OTOG: variants seen among roughly 807,000 people sequenced by gnomAD.
The protein encoded by OTOG is otogelin.
OTOG carries 296 observed loss-of-function variants against 313.8 expected under a neutral mutation model. The ratio of observed to expected loss-of-function variants is 0.94; its 90% CI spans 0.86 to 1.04. The LOEUF is 1.04. OTOG is among the 50% of genes least tolerant of loss of function. The pLI is 0.00. For missense variants in OTOG, 3,948 were observed against 3,840.1 expected, an observed-to-expected ratio of 1.03 and a Z score of -0.74; for synonymous variants, 1,533 against 1,554.9, an observed-to-expected ratio of 0.99 and a Z score of 0.33.
chr11:17,633,936 T>A (rs1375035925), intron 43 of OTOG, 62 bp downstream of exon 43: 4 of 1,483,640 alleles, frequency 2.7e-6, no homozygotes, highest in Non-Finnish European at 3.6e-6. Context: ...CGCCTCCTGC[T>A]GTCCACAGCT....
In OTOG at chr11:17,576,878, G is replaced by T. The variant is rs962876753; in HGVS notation, c.2572G>T (p.Asp858Tyr). The T allele has an allele frequency of 1.3e-6, 2 of 1,550,526 alleles. No individual in the cohort carries two copies. Among genetic ancestry groups the T allele is most frequent in the Non-Finnish European group, 1.7e-6 (2 of 1,146,984 alleles). Residue 858 changes from aspartate (D) to tyrosine (Y), a missense_variant, in exon 22 of 56, where the codon GAT (aspartate) becomes TAT (tyrosine). By Grantham distance (160) the Asp-to-Tyr change is radical (BLOSUM62 -3). Coordinates refer to ENST00000399397, the MANE Select transcript of OTOG (RefSeq NM_001292063.2). ...CGTCTCTCTCTGCAGCCACTGCAAA[G>T]ATGGAGTCATGAGCTGTGATAGCAG... ...IPSLGHCHCK[D>Y]GVMSCDSRAP...
At chr11:17,618,865 T>A (rs765967739) in intron 39 of OTOG, among the ~76,000 whole-genome samples, 3 of 152,354 alleles carry the variant, frequency 2.0e-5, no homozygotes, top group Middle Eastern at 3.4e-3. Context: ...CTGTAATAAC[T>A]TCTCCAGCTT....
At chr11:17,561,179 G>C in intron 14 of OTOG, 42 bp downstream of exon 14, 1 of 1,549,064 alleles carries the variant, frequency 6.5e-7, no homozygotes, top group Non-Finnish European at 8.7e-7. Flanking sequence ...CCTTCTACCA[G>C]TCTGATAGGT....
At chr11:17,644,796 C>A (rs1205066963) in intron 54 of OTOG, among the ~76,000 whole-genome samples, 1 of 152,142 alleles carries the variant, frequency 6.6e-6, no homozygotes, top group Non-Finnish European at 1.5e-5. Context: ...GTGTCTCTGA[C>A]AAGACAGTGA....
intron 17 of OTOG, among the ~76,000 whole-genome samples, chr11:17,570,881 A>G (rs545354147): frequency 1.7e-3 from 264 of 152,276 alleles, no homozygotes; most frequent in African/African-American, 5.8e-3. Context: ...CCACCAGGCC[A>G]GTCTAACCCT....
Position 17,609,160 on chromosome 11 carries a change from C to T in OTOG, c.4305C>T (p.Thr1435=). 2 of 1,550,496 alleles carry T rather than the reference C, an allele frequency of 1.3e-6. No individual in the cohort carries two copies. Among genetic ancestry groups the T allele is most frequent in the Non-Finnish European group, 1.7e-6 (2 of 1,146,924 alleles). Residue 1435 remains threonine (T), a synonymous_variant, in exon 35 of 56, where the codon ACC becomes ACT. Transcript: ENST00000399397. ...AAGGCTGTGTCCCTGTGTGCCCCAC[C>T]CCCCAGGTCCTGGATGAAGTCACAC... is the stretch of plus-strand genomic sequence containing the variant. ...RVEGCVPVCP[T]PQVLDEVTQR...
rs1413054674 is a variant in OTOG, at chr11:17,608,258, C to T, written c.4157-38C>T. ...AGCTCTGGGACTCCCTCTGTGTCTT[C>T]ACCTGACCCAGAGTTGCTGCCCCAT... On this transcript the variant is annotated intron_variant, in intron 33 of 55. Transcript: ENST00000399397. The T allele has an allele frequency of 5.8e-6, 8 of 1,385,120 alleles. 1 individual carries two copies. In the South Asian group the frequency reaches 1.1e-4, roughly 20 times the overall value. 85.8% of individuals were successfully genotyped at this position (1,385,120 alleles called of 1,614,324 possible). A position where few individuals can be genotyped will look rare whatever the true frequency, so the allele number is the denominator to read the frequency against.
chr11:17,588,293 T>C (rs926788322), intron 24 of OTOG, among the ~76,000 whole-genome samples: 1 of 152,178 alleles, frequency 6.6e-6, no homozygotes, highest in African/African-American at 2.4e-5. Context: ...AGATTCCAGC[T>C]GCTCTCCCGT....
chr11:17,592,334 G>A (rs962779388), intron 25 of OTOG, among the ~76,000 whole-genome samples: 4 of 152,138 alleles, frequency 2.6e-5, no homozygotes, highest in Non-Finnish European at 5.9e-5. Flanking sequence ...CCTACCTATA[G>A]GGCAGGCACT....
intron 17 of OTOG, chr11:17,570,624 C>A: frequency 2.4e-6 from 1 of 422,672 alleles, no homozygotes; most frequent in Non-Finnish European, 4.2e-6. Flanking sequence ...ATTCCTGAGT[C>A]CCGCTCCCCA....
In OTOG at chr11:17,610,164, G is replaced by A. The variant is rs1049016020; in HGVS notation, c.4864G>A (p.Val1622Ile). 3.2e-6 allele frequency: 5 copies of A among 1,550,618 alleles called. No individual in the cohort carries two copies. Among genetic ancestry groups the A allele is most frequent in the African/African-American group, 2.7e-5 (2 of 73,124 alleles). Residue 1622 changes from valine to isoleucine, a missense_variant, in exon 36 of 56, where the codon GTC becomes ATC. Coordinates refer to ENST00000399397, the MANE Select transcript of OTOG (RefSeq NM_001292063.2). ...CCCGCTCATGACCAAGGCTGTGACA[G>A]TCCGAGGCCATGGCTCCTTGCCTGT... is the stretch of plus-strand genomic sequence containing the variant. Reference protein sequence around the residue: ...RFPLMTKAVTVRGHGSLPVRT... With the variant: ...RFPLMTKAVTIRGHGSLPVRT...
chr11:17,570,490 A>C, intron 17 of OTOG, 100 bp downstream of exon 17: 1 of 1,161,840 alleles, frequency 8.6e-7, no homozygotes, highest in South Asian at 1.5e-5. Flanking sequence ...GTGAGCCTTC[A>C]CTGTGCCCAG....
At chr11:17,627,755 A>G (rs910695804) in intron 39 of OTOG, among the ~76,000 whole-genome samples, 1 of 152,064 alleles carries the variant, frequency 6.6e-6, no homozygotes, top group South Asian at 2.1e-4. Flanking sequence ...GCTTCTTCTC[A>G]TTACTTGTTA....
intron 6 of OTOG, among the ~76,000 whole-genome samples, chr11:17,554,624 T>C (rs769732593): frequency 2.0e-5 from 3 of 152,316 alleles, no homozygotes; most frequent in Middle Eastern, 3.4e-3. Context: ...TGCTAGCCAT[T>C]TGTGATCCTT....
At chr11:17,618,856 T>C (rs1015652616) in intron 39 of OTOG, among the ~76,000 whole-genome samples, 7 of 152,258 alleles carry the variant, frequency 4.6e-5, no homozygotes, top group Non-Finnish European at 7.3e-5. Flanking sequence ...CTGACTTGCC[T>C]GTAATAACTT....
In OTOG at chr11:17,641,841, C is replaced by T. The variant is rs1327230907; in HGVS notation, c.8191-6C>T. 1 of 1,547,678 alleles carries T rather than the reference C, an allele frequency of 6.5e-7. No individual in the cohort carries two copies. Among genetic ancestry groups the T allele is most frequent in the South Asian group, 1.2e-5 (1 of 83,690 alleles). On this transcript the variant is annotated splice_polypyrimidine_tract_variant and splice_region_variant and intron_variant, in intron 51 of 55. Coordinates refer to ENST00000399397, the MANE Select transcript of OTOG (RefSeq NM_001292063.2). ...TGGCTGAGGCCCACCCCGCCCTGGCCTGTAGAACCAGGAGTACGAGCACCC... is the reference window on the plus strand; with the variant it reads ...TGGCTGAGGCCCACCCCGCCCTGGCTTGTAGAACCAGGAGTACGAGCACCC...
At chr11:17,633,583 C>G in intron 42 of OTOG, 97 bp from the exon 43 acceptor site, 1 of 1,176,248 alleles carries the variant, frequency 8.5e-7, no homozygotes, top group Non-Finnish European at 1.2e-6. Context: ...TGATGACACT[C>G]TGAGCCCTCT....
intron 9 of OTOG, 43 bp downstream of exon 9, chr11:17,558,358 T>C: frequency 6.5e-7 from 1 of 1,546,414 alleles, no homozygotes; most frequent in Non-Finnish European, 8.7e-7. Flanking sequence ...AGAGCCTGAC[T>C]TGCTATCCAA....
chr11:17,628,338 T>C (rs1429685109), intron 39 of OTOG, among the ~76,000 whole-genome samples: 3 of 152,184 alleles, frequency 2.0e-5, no homozygotes, highest in Non-Finnish European at 2.9e-5. Context: ...TTCAGGAGCA[T>C]ATAAAACAGT....
Sources: gnomAD v4.1 joint callset for allele counts (sites outside exome capture counted in the v4.1 genomes callset) on GRCh38, gnomAD v4.1.1 for gene constraint, MANE v1.5 for transcripts, NCBI Gene and HGNC (gene_info 2026-07-23, HGNC 2026-07-21) for gene names.